The following ALK variants were observed in gnomAD, a reference collection of about 807,000 sequenced individuals.
ALK encodes the protein ALK tyrosine kinase receptor.
ALK carries 74 observed loss-of-function variants against 163.1 expected under a neutral mutation model. That is an observed-to-expected ratio of 0.45 (90% confidence interval 0.38 to 0.55). The LOEUF (loss-of-function observed/expected upper bound fraction) is 0.55, where lower values mean the gene tolerates loss of function less well. Ranked by LOEUF, ALK falls within the 20% of genes least tolerant of loss-of-function variation. The pLI, the probability that ALK is intolerant of heterozygous loss-of-function variation, is 0.00. For missense variants in ALK, 2,063 were observed against 2,105.3 expected, an observed-to-expected ratio of 0.98 and a Z score of 0.39; for synonymous variants, 960 against 843.2, an observed-to-expected ratio of 1.14 and a Z score of -2.40.
chr2:29,481,871 A>T (rs1671669445), intron 4 of ALK, among the ~76,000 whole-genome samples: 1 of 152,170 alleles, frequency 6.6e-6, no homozygotes, highest in Non-Finnish European at 1.5e-5. Flanking sequence ...TCAGCAACAG[A>T]ATGACTTTCT....
chr2:29,836,589 T>C (rs1665567732), intron 1 of ALK, among the ~76,000 whole-genome samples: 1 of 152,224 alleles, frequency 6.6e-6, no homozygotes, highest in Admixed American at 6.5e-5. Context: ...TATAAGTAAG[T>C]GTAATATCAC....
At chr2:29,488,194 A>T (rs866246241) in intron 4 of ALK, among the ~76,000 whole-genome samples, 3 of 152,296 alleles carry the variant, frequency 2.0e-5, no homozygotes, top group Middle Eastern at 3.4e-3. Context: ...GAATGATTAC[A>T]TTATTTGCAT....
intron 5 of ALK, among the ~76,000 whole-genome samples, chr2:29,382,099 G>T (rs948502479): frequency 6.6e-6 from 1 of 152,204 alleles, no homozygotes; most frequent in Admixed American, 6.5e-5. Flanking sequence ...AAAGAAGGAA[G>T]CTGGACCATG....
intron 5 of ALK, among the ~76,000 whole-genome samples, chr2:29,359,366 G>C (rs1668335529): frequency 6.6e-6 from 1 of 152,150 alleles, no homozygotes. Flanking sequence ...TCAAATCTGT[G>C]TGATTTGGCT....
intron 1 of ALK, among the ~76,000 whole-genome samples, chr2:29,807,959 T>C (rs1664662244): frequency 6.6e-6 from 1 of 152,224 alleles, no homozygotes; most frequent in Admixed American, 6.5e-5. Flanking sequence ...TCTCTGACAC[T>C]TGCCAAGCTC....
chr2:29,582,681 T>A (rs1026100295), intron 3 of ALK, among the ~76,000 whole-genome samples: 1 of 152,182 alleles, frequency 6.6e-6, no homozygotes, highest in South Asian at 2.1e-4. Flanking sequence ...AAGATTCCTT[T>A]CCAAGAAGTT....
chr2:29,426,566 GAGATTTGT>G (rs1156991479), intron 4 of ALK, among the ~76,000 whole-genome samples: 1 of 152,150 alleles, frequency 6.6e-6, no homozygotes, highest in Non-Finnish European at 1.5e-5. Flanking sequence ...AGCAAAAACT[GAGATTTGT>G]TACTGACAGG....
In ALK at chr2:29,359,865, A is replaced by G. The variant is rs374207243; in HGVS notation, c.1282+23867T>C. Among the ~76,000 whole-genome samples, 12 of 152,308 alleles carry G rather than the reference A, an allele frequency of 7.9e-5. 1 individual carries two copies. Among genetic ancestry groups the G allele is most frequent in the African/African-American group, 2.9e-4 (12 of 41,564 alleles). The stretch of plus-strand genomic sequence containing the variant: ...GCAGCACGGCCCTTTGGTGGTGCCT[A>G]AGACTTTTTGGGCTTTGTCCAGATG... On this transcript the variant is annotated intron_variant, in intron 5 of 28. Transcript: ENST00000389048.
chr2:29,634,117 A>AT (rs36065798), intron 3 of ALK, among the ~76,000 whole-genome samples: 91,593 of 148,726 alleles, frequency 0.62, 29,319 homozygotes, highest in East Asian at 0.73. Context: ...ACTGGTGCAC[A>AT]TTTTTTTTTT....
chr2:29,392,780 C>T (rs569334577), intron 4 of ALK, among the ~76,000 whole-genome samples: 5 of 152,266 alleles, frequency 3.3e-5, no homozygotes, highest in Admixed American at 2.6e-4. Context: ...AACTGGACTT[C>T]GTGTGACTAA....
chr2:29,833,321 AGCCTCCAGGCAGC>A (rs1665471136), intron 1 of ALK, among the ~76,000 whole-genome samples: 1 of 152,214 alleles, frequency 6.6e-6, no homozygotes, highest in Non-Finnish European at 1.5e-5. Context: ...ATAATGCAGC[AGCCTCCAGGCAGC>A]AGCCTCCGGG....
intron 4 of ALK, among the ~76,000 whole-genome samples, chr2:29,462,478 A>G (rs767663064): frequency 1.1e-4 from 17 of 152,150 alleles, no homozygotes; most frequent in Non-Finnish European, 2.9e-5. Context: ...AGCCACCAAC[A>G]TTGAGGTCAG....
chr2:29,591,077 A>AC (rs1675043834), intron 3 of ALK, among the ~76,000 whole-genome samples: 1 of 146,782 alleles, frequency 6.8e-6, no homozygotes, highest in African/African-American at 2.6e-5. Flanking sequence ...TCTCAAAAAA[A>AC]AAAAAAAAAA....
chr2:29,729,592 C>T lies in ALK; in HGVS notation c.668-11895G>A, dbSNP rs568040264. 8.5e-5 allele frequency among the ~76,000 whole-genome samples: 13 copies of T among 152,198 alleles called. No individual in the cohort carries two copies. In the East Asian group the frequency reaches 9.7e-4, roughly 11 times the overall value. ...AGCACCCTGGAATTAGCTGCCAGAG[C>T]GATGTCTAAAAAGAGGAAATTCAAT... On this transcript the variant is annotated intron_variant, in intron 1 of 28. Coordinates refer to ENST00000389048, the MANE Select transcript of ALK (RefSeq NM_004304.5).
At chr2:29,877,426 A>AC (rs1666751470) in intron 1 of ALK, among the ~76,000 whole-genome samples, 1 of 151,962 alleles carries the variant, frequency 6.6e-6, no homozygotes, top group African/African-American at 2.4e-5. Context: ...TTTCTCCCTG[A>AC]CCCTTACCAG....
chr2:29,197,529 A>G lies in ALK; in HGVS notation c.4073+13T>C, dbSNP rs1669052877. 1 of 1,613,090 alleles carries G rather than the reference A, an allele frequency of 6.2e-7. No homozygotes were observed. Among genetic ancestry groups the G allele is most frequent in the African/African-American group, 1.3e-5 (1 of 74,898 alleles). On this transcript the variant is annotated intron_variant, in intron 27 of 28. Coordinates refer to ENST00000389048, the MANE Select transcript of ALK (RefSeq NM_004304.5). The stretch of plus-strand genomic sequence containing the variant: ...CTTAGTAACTAGCAGAAGTGTTCCT[A>G]AAAGAGTCATACACAGGCCCAGGGC...
chr2:29,325,554 C>T (rs952840287), intron 6 of ALK, among the ~76,000 whole-genome samples: 27 of 152,130 alleles, frequency 1.8e-4, no homozygotes, highest in Admixed American at 6.5e-5. Context: ...CTCTTCCTGG[C>T]CCCTTCATCC....
chr2:29,486,733 T>C (rs1671783820), intron 4 of ALK, among the ~76,000 whole-genome samples: 1 of 152,256 alleles, frequency 6.6e-6, no homozygotes, highest in Non-Finnish European at 1.5e-5. Context: ...TCTCTTTGAA[T>C]ATTATTTATG....
chr2:29,362,679 C>T (rs138395864), intron 5 of ALK, among the ~76,000 whole-genome samples: 14 of 152,318 alleles, frequency 9.2e-5, no homozygotes, highest in East Asian at 5.8e-4. Flanking sequence ...CACAGCACTG[C>T]GTCTCATTCA....
Sources: allele counts gnomAD v4.1 joint callset (sites outside exome capture counted in the v4.1 genomes callset), GRCh38; gene constraint gnomAD v4.1.1; transcripts MANE v1.5; gene names NCBI Gene and HGNC (gene_info 2026-07-23, HGNC 2026-07-21).